Variants in CACNA2D2 observed in about 807,000 individuals in gnomAD.
CACNA2D2 encodes calcium voltage-gated channel auxiliary subunit alpha2delta 2, also known as voltage-dependent calcium channel subunit alpha-2/delta-2.
A neutral mutation model predicts 166.4 loss-of-function variants in CACNA2D2; 48 were observed. The observed-to-expected ratio is 0.29, with a 90% CI of 0.23 to 0.37. The LOEUF (loss-of-function observed/expected upper bound fraction) is 0.37, where lower values mean the gene tolerates loss of function less well. Ranked by LOEUF, CACNA2D2 falls within the 10% of genes least tolerant of loss-of-function variation. The pLI is 1.00. For synonymous variants in CACNA2D2, 561 were observed against 573.7 expected, an observed-to-expected ratio of 0.98 and a Z score of 0.32; for missense variants, 1,122 against 1,433.0, an observed-to-expected ratio of 0.78 and a Z score of 3.50.
At chr3:50,471,883 T>A (rs1710114293) in intron 2 of CACNA2D2, among the ~76,000 whole-genome samples, 1 of 152,132 alleles carries the variant, frequency 6.6e-6, no homozygotes, top group African/African-American at 2.4e-5. Context: ...ATGGAGTAGA[T>A]GGAGTAGGAC....
chr3:50,377,140 C>T (rs2106647041), intron 17 of CACNA2D2, among the ~76,000 whole-genome samples: 1 of 152,298 alleles, frequency 6.6e-6, no homozygotes, highest in South Asian at 2.1e-4. Context: ...ATATCAGTAT[C>T]CACAAATAAA....
intron 2 of CACNA2D2, among the ~76,000 whole-genome samples, chr3:50,457,558 A>G (rs1257620284): frequency 6.6e-6 from 1 of 152,126 alleles, no homozygotes; most frequent in Admixed American, 6.6e-5. Flanking sequence ...CCCTGGCCCC[A>G]GGTGCTCTGG....
At chr3:50,465,211 G>A (rs547201707) in intron 2 of CACNA2D2, among the ~76,000 whole-genome samples, 1 of 152,382 alleles carries the variant, frequency 6.6e-6, no homozygotes, top group African/African-American at 2.4e-5. Context: ...GGAAGGGGTA[G>A]ATAGAATACG....
At position 50,365,558 on chromosome 3, in the gene CACNA2D2, C is replaced by T; in HGVS notation, c.2971+75G>A. ...TCCGGCCTCCCTCAGTCGTAGACCC[C>T]ACCCTCCCCATGGAGTCGTCTTAGC... On this transcript the variant is annotated intron_variant, in intron 34 of 37. Coordinates refer to ENST00000424201, the MANE Select transcript of CACNA2D2 (RefSeq NM_006030.4). This position sits in a 1 kb window ranked among gnomAD's most constrained non-coding sequence, Gnocchi z 4.5. The T allele has an allele frequency of 1.3e-6, 2 of 1,588,100 alleles. No homozygotes were observed. Among genetic ancestry groups the T allele is most frequent in the Non-Finnish European group, 1.7e-6 (2 of 1,166,634 alleles).
At chr3:50,444,127 C>G (rs547557315) in intron 2 of CACNA2D2, among the ~76,000 whole-genome samples, 1 of 152,328 alleles carries the variant, frequency 6.6e-6, no homozygotes, top group Admixed American at 6.5e-5. Flanking sequence ...GAGCAACCTT[C>G]TTCAGGGGCT....
intron 1 of CACNA2D2, among the ~76,000 whole-genome samples, chr3:50,486,974 C>T (rs944652653): frequency 4.6e-5 from 7 of 152,234 alleles, no homozygotes; most frequent in South Asian, 2.1e-4. Flanking sequence ...GCAATGCTGA[C>T]GCGGAGGGCC....
chr3:50,398,207 A>ACCCCAAGTGCCTGT (rs150623443), intron 3 of CACNA2D2, among the ~76,000 whole-genome samples: 98 of 151,940 alleles, frequency 6.4e-4, no homozygotes, highest in Non-Finnish European at 1.2e-3. Context: ...CCTAGCCCTG[A>ACCCCAAGTGCCTGT]CCCCAAGTGC....
chr3:50,499,781 G>A (rs936528597), intron 1 of CACNA2D2, among the ~76,000 whole-genome samples: 2 of 152,240 alleles, frequency 1.3e-5, no homozygotes, highest in Non-Finnish European at 2.9e-5. Context: ...ACTACGAGGG[G>A]ACTCATCCTA....
At chr3:50,378,223 G>T in intron 14 of CACNA2D2, 61 bp downstream of exon 14, 1 of 1,555,606 alleles carries the variant, frequency 6.4e-7, no homozygotes, top group African/African-American at 1.4e-5. Context: ...AGCAGCCCAT[G>T]GCACACAGCG....
At chr3:50,467,409 G>A (rs1282671677) in intron 2 of CACNA2D2, among the ~76,000 whole-genome samples, 2 of 152,168 alleles carry the variant, frequency 1.3e-5, no homozygotes, top group Admixed American at 6.5e-5. Context: ...TCCCAAGGTC[G>A]AATGGGACAG....
rs540844992 is a variant in CACNA2D2, at chr3:50,436,521, C to G, written c.289-2092G>C. On this transcript the variant is annotated intron_variant, in intron 2 of 37. Transcript: ENST00000424201. ...GTCTCTAGGTGGCAGGCCCACACCT[C>G]AGGGCACCAACAGGTGACATGAGGC... Among the ~76,000 whole-genome samples, 173 of 152,262 alleles carry G rather than the reference C, an allele frequency of 1.1e-3. 1 individual carries two copies. The highest frequency in any genetic ancestry group is 2.8e-3 in the Admixed American group (43 of 15,308).
At chr3:50,397,553 T>C (rs12490042) in intron 3 of CACNA2D2, among the ~76,000 whole-genome samples, 20,698 of 152,194 alleles carry the variant, frequency 0.14, 2,316 homozygotes, top group East Asian at 0.43. Context: ...TTGACTTTCT[T>C]GGAGCAGGGT....
In CACNA2D2 at chr3:50,379,051, G is replaced by A. The variant is rs1175109077; in HGVS notation, c.1260+41C>T. The A allele has an allele frequency of 2.5e-6, 4 of 1,613,270 alleles. No homozygotes were observed. The highest frequency in any genetic ancestry group is 3.4e-6 in the Non-Finnish European group (4 of 1,179,502). ...CCAGGGGACAGCCCTCTTCTGTACT[G>A]GGCCCAGGTCAGGGTAGCCCCTGCC... On this transcript the variant is annotated intron_variant, in intron 12 of 37. Transcript: ENST00000424201. The surrounding 1 kb of genome is among the most constrained non-coding windows in gnomAD (Gnocchi z 6.5).
rs1704292314 is a variant in CACNA2D2 at position 50,366,409 on chromosome 3, G to C, written c.2638-71C>G. On this transcript the variant is annotated intron_variant, in intron 30 of 37. Coordinates refer to ENST00000424201, the MANE Select transcript of CACNA2D2 (RefSeq NM_006030.4). The surrounding 1 kb of genome is among the most constrained non-coding windows in gnomAD (Gnocchi z 5.9). ...CGGACCTTCCACCGCAGGCAGTCCA[G>C]TGGTTCAGAGTTGGGGGGCATCACT... 6.5e-7 allele frequency: 1 copy of C among 1,538,188 alleles called. No homozygotes were observed. Among genetic ancestry groups the C allele is most frequent in the Non-Finnish European group, 9.0e-7 (1 of 1,111,440 alleles).
chr3:50,439,002 A>T (rs1272817329), intron 2 of CACNA2D2, among the ~76,000 whole-genome samples: 1 of 152,364 alleles, frequency 6.6e-6, no homozygotes, highest in East Asian at 1.9e-4. Context: ...GATCATCTCC[A>T]TGTGGCAGAG....
intron 2 of CACNA2D2, among the ~76,000 whole-genome samples, chr3:50,469,910 C>T (rs1434797519): frequency 1.3e-5 from 2 of 152,218 alleles, no homozygotes; most frequent in Non-Finnish European, 2.9e-5. Context: ...CCCCTGGGAA[C>T]TGATCTTGGA....
Position 50,362,799 on chromosome 3 carries a change from T to G in CACNA2D2, c.*1867A>C. On this transcript the variant is annotated 3_prime_UTR_variant, in exon 38 of 38. Transcript: ENST00000424201. ...AAGCTGATACAGTGGATGGGAACCA[T>G]TTGAAGTGAAAATATGAACATTATT... The G allele has an allele frequency of 5.1e-6, 1 of 194,746 alleles. No individual in the cohort carries two copies. The highest frequency in any genetic ancestry group is 1.0e-5 in the Non-Finnish European group (1 of 96,904). The allele number at this position is 194,746 out of a possible 1,614,324, so 12.1% of individuals were successfully genotyped here.
In CACNA2D2 at chr3:50,364,644, G is replaced by A. The variant is rs1704112492; in HGVS notation, c.*22C>T. On this transcript the variant is annotated 3_prime_UTR_variant, in exon 38 of 38. Coordinates refer to ENST00000424201, the MANE Select transcript of CACNA2D2 (RefSeq NM_006030.4). ...GAAGAGGCCGGGTGAGGTGGGAGTGGAGGTGGGGTGGGGCAGGGTGCTCAG... is the reference window on the plus strand; with the variant it reads ...GAAGAGGCCGGGTGAGGTGGGAGTGAAGGTGGGGTGGGGCAGGGTGCTCAG... 1.3e-6 allele frequency: 2 copies of A among 1,497,178 alleles called. No individual in the cohort carries two copies. Among genetic ancestry groups the A allele is most frequent in the South Asian group, 1.3e-5 (1 of 77,512 alleles). 92.7% of individuals were successfully genotyped at this position (1,497,178 alleles called of 1,614,324 possible).
At chr3:50,413,012 G>A (rs1707094539) in intron 3 of CACNA2D2, among the ~76,000 whole-genome samples, 1 of 152,244 alleles carries the variant, frequency 6.6e-6, no homozygotes. Context: ...CCTGGCACGA[G>A]GGTGGACCCT....
Sources: allele counts gnomAD v4.1 joint callset (sites outside exome capture counted in the v4.1 genomes callset), GRCh38; gene constraint gnomAD v4.1.1; non-coding constraint Gnocchi (gnomAD v3.1); transcripts MANE v1.5; gene names NCBI Gene and HGNC (gene_info 2026-07-23, HGNC 2026-07-21).